Variants in PTPRG observed in about 807,000 individuals in gnomAD.
PTPRG encodes receptor-type tyrosine-protein phosphatase gamma.
PTPRG carries 102 observed loss-of-function variants against 165.3 expected under a neutral mutation model. The observed-to-expected ratio is 0.62, with a 90% confidence interval of 0.53 to 0.73. The LOEUF (loss-of-function observed/expected upper bound fraction) is 0.73. PTPRG is among the 30% of genes least tolerant of loss of function. PTPRG has a pLI of 0.00. For synonymous variants in PTPRG, 675 were observed against 669.5 expected, an observed-to-expected ratio of 1.01 and a Z score of -0.13; for missense variants, 1,866 against 1,861.4, an observed-to-expected ratio of 1.00 and a Z score of -0.05.
intron 2 of PTPRG, among the ~76,000 whole-genome samples, chr3:61,946,352 C>T (rs1488899771): frequency 1.3e-5 from 2 of 152,158 alleles, no homozygotes; most frequent in Non-Finnish European, 2.9e-5. Flanking sequence ...CCTGCCATGC[C>T]TGTGAGGTTT....
intron 1 of PTPRG, among the ~76,000 whole-genome samples, chr3:61,563,695 C>T (rs892521800): frequency 6.6e-6 from 1 of 152,202 alleles, no homozygotes; most frequent in African/African-American, 2.4e-5. Flanking sequence ...TCCGCTCTGC[C>T]TGGTTACAGA....
At chr3:61,811,449 A>G (rs2035573199) in intron 2 of PTPRG, among the ~76,000 whole-genome samples, 1 of 152,178 alleles carries the variant, frequency 6.6e-6, no homozygotes, top group Non-Finnish European at 1.5e-5. Context: ...AATCTGACCA[A>G]CACAGCAGAC....
chr3:61,848,473 A>C (rs573196427), intron 2 of PTPRG, among the ~76,000 whole-genome samples: 1 of 152,298 alleles, frequency 6.6e-6, no homozygotes, highest in South Asian at 2.1e-4. Flanking sequence ...GAACATTTGC[A>C]TTTTTTATCT....
Position 62,222,760 on chromosome 3 carries a change from T to A in PTPRG, c.2288+3777T>A, listed in dbSNP as rs949701587. Reference sequence around the variant, plus strand: ...TCTATTGCATGTGCACTGGAGCCATTTTCAGCTTCCTATTATTTATGCAAT... The same window carrying A: ...TCTATTGCATGTGCACTGGAGCCATATTCAGCTTCCTATTATTTATGCAAT... On this transcript the variant is annotated intron_variant, in intron 13 of 29. Transcript: ENST00000474889. This position sits in a 1 kb window ranked among gnomAD's most constrained non-coding sequence, Gnocchi z 4.5. Among the ~76,000 whole-genome samples, 4 of 152,170 alleles carry A rather than the reference T, an allele frequency of 2.6e-5. No homozygotes were observed. Among genetic ancestry groups the A allele is most frequent in the African/African-American group, 9.7e-5 (4 of 41,442 alleles).
At chr3:62,123,240 C>T (rs574778242) in intron 5 of PTPRG, among the ~76,000 whole-genome samples, 3 of 152,256 alleles carry the variant, frequency 2.0e-5, no homozygotes, top group Admixed American at 6.5e-5. Flanking sequence ...TCCTCAAGGG[C>T]TATTTGACTG....
At position 61,933,318 on chromosome 3, in the gene PTPRG, TC is replaced by T. The variant is rs370438293; in HGVS notation, c.191-56306del. Among the ~76,000 whole-genome samples the T allele has an allele frequency of 2.4e-4, 37 of 152,328 alleles. No homozygotes were observed. The South Asian group carries it at 4.8e-3, about 20-fold the overall frequency. ...GAGTGCTGATCTGTGATGGCAGAGA[TC>T]TTTTTTATTCTTTTTTGCTCTCAAC... On this transcript the variant is annotated intron_variant, in intron 2 of 29. Coordinates refer to ENST00000474889, the MANE Select transcript of PTPRG (RefSeq NM_002841.4).
At chr3:62,256,454 G>T (rs767686167) in intron 16 of PTPRG, among the ~76,000 whole-genome samples, 1 of 152,090 alleles carries the variant, frequency 6.6e-6, no homozygotes, top group Non-Finnish European at 1.5e-5. Flanking sequence ...TTTATTCTAC[G>T]AAGTCATATG....
intron 1 of PTPRG, among the ~76,000 whole-genome samples, chr3:61,608,113 C>T (rs1484463104): frequency 6.6e-6 from 1 of 152,126 alleles, no homozygotes; most frequent in Non-Finnish European, 1.5e-5. Context: ...CTCTGGTCCG[C>T]AACTTGCCAG....
intron 2 of PTPRG, among the ~76,000 whole-genome samples, chr3:61,866,175 T>G (rs1169883396): frequency 6.6e-6 from 1 of 152,218 alleles, no homozygotes; most frequent in Non-Finnish European, 1.5e-5. Flanking sequence ...CTGACATTGA[T>G]CTGTTCACTC....
chr3:61,822,969 C>T (rs1286229411), intron 2 of PTPRG, among the ~76,000 whole-genome samples: 1 of 152,158 alleles, frequency 6.6e-6, no homozygotes, highest in African/African-American at 2.4e-5. Flanking sequence ...AAGAGAGGAA[C>T]AAGTGAGTGT....
intron 5 of PTPRG, among the ~76,000 whole-genome samples, chr3:62,088,640 A>G (rs931406455): frequency 5.3e-5 from 8 of 152,252 alleles, no homozygotes; most frequent in Admixed American, 5.2e-4. Flanking sequence ...CACCAATTTA[A>G]TAGAACATTG....
chr3:62,092,439 G>GAAAAAAAAAAAAAAAA (rs55955359), intron 5 of PTPRG, among the ~76,000 whole-genome samples: 5 of 89,436 alleles, frequency 5.6e-5, no homozygotes, highest in African/African-American at 1.0e-4. Flanking sequence ...GAGTCCATCT[G>GAAAAAAAAAAAAAAAA]AAAAAAAAAA....
At chr3:61,582,012 G>A (rs576346419) in intron 1 of PTPRG, among the ~76,000 whole-genome samples, 15 of 152,066 alleles carry the variant, frequency 9.9e-5, no homozygotes, top group Non-Finnish European at 1.8e-4. Flanking sequence ...CTAACACCCA[G>A]GCTGGAGTGC....
intron 1 of PTPRG, among the ~76,000 whole-genome samples, chr3:61,562,596 G>A (rs13094820): frequency 6.6e-6 from 1 of 152,096 alleles, no homozygotes; most frequent in African/African-American, 2.4e-5. Context: ...TGGCCGGGGA[G>A]GGGGCTGGGG....
At chr3:62,066,847 G>A (rs1204104204) in intron 4 of PTPRG, among the ~76,000 whole-genome samples, 1 of 152,058 alleles carries the variant, frequency 6.6e-6, no homozygotes, top group East Asian at 1.9e-4. Flanking sequence ...AGACCATCCT[G>A]CTCAACATGG....
At chr3:61,797,539 C>G (rs997266592) in intron 2 of PTPRG, among the ~76,000 whole-genome samples, 1 of 152,086 alleles carries the variant, frequency 6.6e-6, no homozygotes, top group African/African-American at 2.4e-5. Context: ...TGGGTTCTTT[C>G]AGGTTTGGTG....
intron 2 of PTPRG, among the ~76,000 whole-genome samples, chr3:61,828,061 A>G (rs2036164092): frequency 6.6e-6 from 1 of 152,178 alleles, no homozygotes; most frequent in Non-Finnish European, 1.5e-5. Flanking sequence ...ACGTACAGTA[A>G]TTAGTTTTTG....
chr3:61,746,670 C>T (rs1559588612), intron 1 of PTPRG, among the ~76,000 whole-genome samples: 1 of 152,152 alleles, frequency 6.6e-6, no homozygotes, highest in Non-Finnish European at 1.5e-5. Context: ...TACCTGAATG[C>T]ATCACTGGGG....
chr3:62,062,063 GC>G (rs1156828855), intron 4 of PTPRG, among the ~76,000 whole-genome samples: 11 of 150,862 alleles, frequency 7.3e-5, no homozygotes, highest in Admixed American at 2.6e-4. Context: ...ACTTTGGGAG[GC>G]CGAGGCAGGT....
Sources: allele counts gnomAD v4.1 joint callset (sites outside exome capture counted in the v4.1 genomes callset), GRCh38; gene constraint gnomAD v4.1.1; non-coding constraint Gnocchi (gnomAD v3.1); transcripts MANE v1.5; gene names NCBI Gene and HGNC (gene_info 2026-07-23, HGNC 2026-07-21).